Variants in TXK observed in about 807,000 individuals in gnomAD.
TXK encodes the protein TXK tyrosine kinase.
TXK carries 60 observed loss-of-function variants against 81.0 expected under a neutral mutation model. The observed-to-expected ratio is 0.74, with a 90% CI of 0.60 to 0.92. The LOEUF (loss-of-function observed/expected upper bound fraction) is 0.92, where lower values mean the gene tolerates loss of function less well. TXK is among the 40% of genes least tolerant of loss of function. The pLI, the probability that TXK is intolerant of heterozygous loss-of-function variation, is 0.00. For missense variants in TXK, 581 were observed against 638.3 expected (o/e 0.91, Z 0.97); for synonymous variants, 203 against 210.7 (o/e 0.96, Z 0.32).
At chr4:48,085,752 A>C (rs1217476216) in intron 10 of TXK, among the ~76,000 whole-genome samples, 1 of 152,170 alleles carries the variant, frequency 6.6e-6, no homozygotes, top group East Asian at 1.9e-4. Flanking sequence ...GGGGGCAGTC[A>C]GAGACGAGAT....
chr4:48,073,919 C>T lies in TXK; in HGVS notation c.1357+16G>A, dbSNP rs550542718. The T allele has an allele frequency of 4.7e-6, 7 of 1,487,776 alleles. No individual in the cohort carries two copies. The African/African-American group carries it at 6.9e-5, about 15-fold the overall frequency. The allele number at this position is 1,487,776 out of a possible 1,614,324, so 92.2% of individuals were successfully genotyped here. A position where few individuals can be genotyped will look rare whatever the true frequency, so the allele number is the denominator to read the frequency against. On this transcript the variant is annotated intron_variant, in intron 13 of 14. Coordinates refer to ENST00000264316, the MANE Select transcript of TXK (RefSeq NM_003328.3). ...ATTAAATCAAGCTCCAGCAAGTGAA[C>T]ATCAGATGCACTCACCAAATGACCA...
At chr4:48,105,968 TG>T (rs1718443160) in intron 5 of TXK, 1 of 152,128 alleles carries the variant, frequency 6.6e-6, no homozygotes, top group African/African-American at 2.4e-5. Context: ...CAGTTTGATA[TG>T]GTAATACCTA....
chr4:48,095,303 T>C, intron 6 of TXK, 81 bp from the exon 7 acceptor site: 1 of 1,029,340 alleles, frequency 9.7e-7, no homozygotes, highest in Non-Finnish European at 1.5e-6. Flanking sequence ...AAATCAAAGC[T>C]ATATTGACTT....
At chr4:48,111,068 T>C (rs1718618393) in intron 4 of TXK, among the ~76,000 whole-genome samples, 3 of 152,212 alleles carry the variant, frequency 2.0e-5, no homozygotes, top group Admixed American at 1.3e-4. Context: ...CAAAGACAGA[T>C]AGCAAAGACG....
intron 1 of TXK, among the ~76,000 whole-genome samples, chr4:48,117,831 G>T (rs1718853031): frequency 6.6e-6 from 1 of 152,162 alleles, no homozygotes; most frequent in Non-Finnish European, 1.5e-5. Context: ...GATAGTAATT[G>T]AGCCTTTAAA....
At chr4:48,099,021 C>T (rs2109443410) in intron 6 of TXK, among the ~76,000 whole-genome samples, 1 of 152,182 alleles carries the variant, frequency 6.6e-6, no homozygotes, top group East Asian at 1.9e-4. Context: ...TCTGGAGACA[C>T]TAGCCAATTC....
intron 9 of TXK, 192 bp downstream of exon 9, chr4:48,089,558 T>A (rs1033924901): frequency 2.4e-6 from 1 of 410,350 alleles, no homozygotes; most frequent in African/African-American, 2.0e-5. Context: ...ACCCGGCTAA[T>A]TTTTTGTATT....
At chr4:48,071,762 T>C (rs1284654271) in intron 13 of TXK, 88 bp from the exon 14 acceptor site, 4 of 1,468,930 alleles carry the variant, frequency 2.7e-6, no homozygotes. Flanking sequence ...CAAGGCATTA[T>C]TTTTGTGCTC....
chr4:48,078,467 C>CTCCAA (rs1717155681), intron 11 of TXK, among the ~76,000 whole-genome samples: 1 of 152,186 alleles, frequency 6.6e-6, no homozygotes, highest in African/African-American at 2.4e-5. Flanking sequence ...TTCTCATAGA[C>CTCCAA]TTCTCCAATT....
rs1717692835 is a variant in TXK, at chr4:48,089,907, T to C, written c.710-83A>G. 3 of 959,092 alleles carry C rather than the reference T, an allele frequency of 3.1e-6. No homozygotes were observed. The East Asian group carries it at 8.1e-5, about 26-fold the overall frequency. The allele number at this position is 959,092 out of a possible 1,614,324, so 59.4% of individuals were successfully genotyped here. On this transcript the variant is annotated intron_variant, in intron 8 of 14. Transcript: ENST00000264316. Reference sequence around the variant, plus strand: ...GAAATATTCTAGAAGACAGTACCATTCTTTAAATAATTAGACAAACAAAAT... The same window carrying C: ...GAAATATTCTAGAAGACAGTACCATCCTTTAAATAATTAGACAAACAAAAT...
intron 11 of TXK, among the ~76,000 whole-genome samples, chr4:48,078,156 T>C (rs757615252): frequency 1.7e-4 from 26 of 152,244 alleles, no homozygotes; most frequent in African/African-American, 3.1e-4. Context: ...TCTTAATCAC[T>C]GCGTGGCATC....
intron 1 of TXK, among the ~76,000 whole-genome samples, chr4:48,124,107 T>A (rs1261406900): frequency 6.6e-6 from 1 of 152,204 alleles, no homozygotes; most frequent in African/African-American, 2.4e-5. Context: ...CATTTAAGTT[T>A]CTCTGTGTAG....
At chr4:48,105,550 G>A (rs1385045123) in intron 5 of TXK, among the ~76,000 whole-genome samples, 1 of 152,156 alleles carries the variant, frequency 6.6e-6, no homozygotes, top group Non-Finnish European at 1.5e-5. Flanking sequence ...AAGTGGGGGT[G>A]AGAGTTGGAA....
intron 9 of TXK, among the ~76,000 whole-genome samples, chr4:48,087,498 C>T (rs888919491): frequency 6.6e-6 from 1 of 151,818 alleles, no homozygotes; most frequent in Non-Finnish European, 1.5e-5. Flanking sequence ...TGCAGTGGCA[C>T]GATCTCAGCT....
At chr4:48,117,067 T>C (rs1441269113) in intron 1 of TXK, among the ~76,000 whole-genome samples, 2 of 152,112 alleles carry the variant, frequency 1.3e-5, no homozygotes, top group Non-Finnish European at 2.9e-5. Flanking sequence ...TTGTAGTTTT[T>C]AGTAGAGATG....
chr4:48,109,704 AT>A (rs1183445951), intron 5 of TXK, among the ~76,000 whole-genome samples: 1 of 152,148 alleles, frequency 6.6e-6, no homozygotes, highest in East Asian at 1.9e-4. Context: ...TTGAATTCGA[AT>A]TTGTTTTAGG....
chr4:48,127,986 C>A (rs1415409861), intron 1 of TXK, among the ~76,000 whole-genome samples: 1 of 152,184 alleles, frequency 6.6e-6, no homozygotes, highest in African/African-American at 2.4e-5. Flanking sequence ...GTGAGAAGCA[C>A]CCCTTCTCAG....
At chr4:48,109,876 T>C (rs1451695280) in intron 5 of TXK, among the ~76,000 whole-genome samples, 7 of 152,170 alleles carry the variant, frequency 4.6e-5, no homozygotes. Flanking sequence ...AAGCATATGC[T>C]AATTTTAAGA....
intron 14 of TXK, among the ~76,000 whole-genome samples, chr4:48,070,847 G>A (rs1453968223): frequency 6.6e-6 from 1 of 150,768 alleles, no homozygotes; most frequent in Admixed American, 6.6e-5. Flanking sequence ...CCAAAGTGCT[G>A]GGGTTACAGG....
Sources: gnomAD v4.1 joint callset for allele counts (sites outside exome capture counted in the v4.1 genomes callset) on GRCh38, gnomAD v4.1.1 for gene constraint, MANE v1.5 for transcripts, NCBI Gene and HGNC (gene_info 2026-07-23, HGNC 2026-07-21) for gene names.